The following KAZN variants were observed in gnomAD, a reference collection of about 807,000 sequenced individuals.
The protein encoded by KAZN is kazrin, periplakin interacting protein.
A neutral mutation model predicts 87.4 loss-of-function variants in KAZN; 40 were observed. The ratio of observed to expected loss-of-function variants is 0.46; its 90% confidence interval spans 0.36 to 0.60. The LOEUF (loss-of-function observed/expected upper bound fraction) is 0.60. KAZN is among the 20% of genes least tolerant of loss of function. KAZN has a pLI of 0.00. For synonymous variants in KAZN, 466 were observed against 458.3 expected, an observed-to-expected ratio of 1.02 and a Z score of -0.22; for missense variants, 898 against 1,073.9, an observed-to-expected ratio of 0.84 and a Z score of 2.29.
At chr1:13,938,533 C>A (rs1640822045) in intron 1 of KAZN, among the ~76,000 whole-genome samples, 1 of 152,124 alleles carries the variant, frequency 6.6e-6, no homozygotes, top group Non-Finnish European at 1.5e-5. Context: ...TTATTTCATT[C>A]CTGATTTCTC....
At chr1:14,966,620 T>TA (rs1664482034) in intron 2 of KAZN, among the ~76,000 whole-genome samples, 1 of 152,238 alleles carries the variant, frequency 6.6e-6, no homozygotes, top group African/African-American at 2.4e-5. Flanking sequence ...TGTACTCTGC[T>TA]ACGTTAAAAT....
chr1:13,999,308 A>T (rs992429995), intron 1 of KAZN, among the ~76,000 whole-genome samples: 2 of 152,058 alleles, frequency 1.3e-5, no homozygotes, highest in African/African-American at 4.8e-5. Context: ...AGATCACGCC[A>T]TTGCGCTCCA....
intron 2 of KAZN, among the ~76,000 whole-genome samples, chr1:14,238,314 T>C (rs963928372): frequency 6.6e-6 from 1 of 152,142 alleles, no homozygotes; most frequent in Non-Finnish European, 1.5e-5. Context: ...AAGGAGTAGG[T>C]GATGGGACCA....
intron 5 of KAZN, among the ~76,000 whole-genome samples, chr1:15,058,817 G>A (rs1271997738): frequency 2.0e-5 from 3 of 152,180 alleles, no homozygotes; most frequent in Non-Finnish European, 4.4e-5. Context: ...TCAGGAGTTC[G>A]AGACCAGCCT....
At chr1:14,639,546 T>C (rs1301108798) in intron 1 of KAZN, among the ~76,000 whole-genome samples, 1 of 152,092 alleles carries the variant, frequency 6.6e-6, no homozygotes, top group African/African-American at 2.4e-5. Flanking sequence ...TAGAGGCCAT[T>C]TGTAGGGTGA....
At chr1:14,784,877 T>TGA (rs1463951979) in intron 1 of KAZN, among the ~76,000 whole-genome samples, 1 of 152,076 alleles carries the variant, frequency 6.6e-6, no homozygotes, top group African/African-American at 2.4e-5. Flanking sequence ...TCACCATGTC[T>TGA]GAGAATAGCC....
At chr1:14,665,946 A>AT (rs1037787458) in intron 1 of KAZN, among the ~76,000 whole-genome samples, 4 of 151,770 alleles carry the variant, frequency 2.6e-5, no homozygotes, top group African/African-American at 9.7e-5. Flanking sequence ...AAAAAAAAAA[A>AT]AAAAAAATAA....
At chr1:14,300,286 G>C (rs138005493) in intron 2 of KAZN, among the ~76,000 whole-genome samples, 1 of 151,764 alleles carries the variant, frequency 6.6e-6, no homozygotes, top group Non-Finnish European at 1.5e-5. Context: ...TTAAGACAGA[G>C]TCTTACATAA....
chr1:14,521,587 C>G (rs1671594419), intron 2 of KAZN, among the ~76,000 whole-genome samples: 1 of 152,186 alleles, frequency 6.6e-6, no homozygotes, highest in East Asian at 1.9e-4. Flanking sequence ...TGAACCATGG[C>G]CGATGCCATG....
chr1:14,333,404 G>A (rs1206483121), intron 2 of KAZN, among the ~76,000 whole-genome samples: 1 of 152,120 alleles, frequency 6.6e-6, no homozygotes, highest in African/African-American at 2.4e-5. Context: ...GTTTAAATAA[G>A]AACTGGAAAA....
chr1:13,906,429 G>A (rs71629860), intron 1 of KAZN, among the ~76,000 whole-genome samples: 1 of 152,140 alleles, frequency 6.6e-6, no homozygotes, highest in African/African-American at 2.4e-5. Flanking sequence ...TTGAGGCGTA[G>A]GTGCTTATAG....
intron 2 of KAZN, among the ~76,000 whole-genome samples, chr1:15,010,594 A>G (rs1036034715): frequency 1.3e-5 from 2 of 152,140 alleles, no homozygotes; most frequent in Non-Finnish European, 1.5e-5. Flanking sequence ...GGGTTTCACC[A>G]TGTTAGCCAG....
At chr1:14,253,929 C>A (rs1412589237) in intron 2 of KAZN, among the ~76,000 whole-genome samples, 2 of 127,866 alleles carry the variant, frequency 1.6e-5, no homozygotes, top group African/African-American at 3.1e-5. Flanking sequence ...TATGAGCAAG[C>A]GAGACGTGAC....
Position 13,969,366 on chromosome 1 carries a change from T to A in KAZN, c.91+75610T>A, listed in dbSNP as rs576864867. Among the ~76,000 whole-genome samples the A allele has an allele frequency of 2.0e-5, 3 of 152,022 alleles. No individual in the cohort carries two copies. In the South Asian group the frequency reaches 6.2e-4, roughly 32 times the overall value. On this transcript the variant is annotated intron_variant, in intron 1 of 16. Transcript: ENST00000636203. ...AATAAGTCCTTACAACTGGGGGAGA[T>A]TTGGACACAGACATGCACATGCTGA...
chr1:15,084,753 T>A (rs1168231525), intron 8 of KAZN, among the ~76,000 whole-genome samples: 1 of 152,322 alleles, frequency 6.6e-6, no homozygotes, highest in South Asian at 2.1e-4. Flanking sequence ...TAGAAGTTAA[T>A]GTAAATCCTC....
intron 1 of KAZN, among the ~76,000 whole-genome samples, chr1:13,944,359 T>C (rs1210763805): frequency 1.3e-5 from 2 of 152,210 alleles, no homozygotes; most frequent in Non-Finnish European, 2.9e-5. Flanking sequence ...AGTGGTTGCC[T>C]AGGTCTAGAA....
At chr1:14,103,235 G>A (rs1028687628) in intron 1 of KAZN, among the ~76,000 whole-genome samples, 11 of 152,046 alleles carry the variant, frequency 7.2e-5, no homozygotes, top group African/African-American at 2.7e-4. Context: ...CTTCTTGTGA[G>A]GACACCAGTC....
At chr1:13,920,392 C>T (rs1469977253) in intron 1 of KAZN, among the ~76,000 whole-genome samples, 1 of 152,140 alleles carries the variant, frequency 6.6e-6, no homozygotes, top group Admixed American at 6.5e-5. Flanking sequence ...TCACACCATA[C>T]TGTTTTAATT....
At chr1:13,939,344 T>C (rs915882721) in intron 1 of KAZN, among the ~76,000 whole-genome samples, 1 of 152,244 alleles carries the variant, frequency 6.6e-6, no homozygotes, top group African/African-American at 2.4e-5. Flanking sequence ...GTCATCACTC[T>C]TAAGTTAAAA....
Sources: gnomAD v4.1 joint callset for allele counts (sites outside exome capture counted in the v4.1 genomes callset) on GRCh38, gnomAD v4.1.1 for gene constraint, MANE v1.5 for transcripts, NCBI Gene and HGNC (gene_info 2026-07-23, HGNC 2026-07-21) for gene names.